CTCF: variants seen among roughly 807,000 people sequenced by gnomAD.
CTCF encodes the protein transcriptional repressor CTCF.
In CTCF, 7 loss-of-function variants were observed where a neutral mutation model predicts 72.3. That is an observed-to-expected ratio of 0.10 (90% CI 0.06 to 0.18). The LOEUF is 0.18. Among genes scored for constraint, CTCF ranks in the 10% least tolerant of loss-of-function variants. The probability of loss-of-function intolerance (pLI) is 1.00; values close to 1 mark genes in which losing one functional copy is unlikely to be tolerated. For synonymous variants in CTCF, 374 were observed against 315.8 expected (o/e 1.18, Z -1.95); for missense variants, 516 against 949.1 (o/e 0.54, Z 6.00).
At chr16:67,592,379 C>G (rs1161748637) in intron 2 of CTCF, among the ~76,000 whole-genome samples, 1 of 151,688 alleles carries the variant, frequency 6.6e-6, no homozygotes, top group Non-Finnish European at 1.5e-5. Context: ...CCACTGCGCT[C>G]CAGCCTGGGT....
chr16:67,616,563 G>A (rs2052134276), intron 4 of CTCF, 182 bp from the exon 5 acceptor site: 6 of 643,366 alleles, frequency 9.3e-6, no homozygotes, highest in African/African-American at 1.8e-5. Context: ...CCTGGTGTTA[G>A]TATAAATTCA....
chr16:67,637,006 G>C (rs1349678584), intron 11 of CTCF, among the ~76,000 whole-genome samples, 155 bp downstream of exon 11: 1 of 152,116 alleles, frequency 6.6e-6, no homozygotes, highest in Admixed American at 6.6e-5. Context: ...CTTTTTAGGA[G>C]TTTTTACTGA....
intron 10 of CTCF, among the ~76,000 whole-genome samples, chr16:67,634,732 C>T (rs1597731499): frequency 6.7e-6 from 1 of 150,098 alleles, no homozygotes; most frequent in Admixed American, 6.7e-5. Context: ...GAGACGGAAT[C>T]TCACTCTGTT....
At chr16:67,607,764 A>G (rs1302743989) in intron 2 of CTCF, among the ~76,000 whole-genome samples, 1 of 151,568 alleles carries the variant, frequency 6.6e-6, no homozygotes, top group African/African-American at 2.4e-5. Context: ...TCACGCCTGT[A>G]GTCCCAGCAC....
intron 7 of CTCF, among the ~76,000 whole-genome samples, chr16:67,622,460 A>T (rs774238043): frequency 6.6e-6 from 1 of 152,080 alleles, no homozygotes; most frequent in African/African-American, 2.4e-5. Context: ...ATATCACCTC[A>T]GTTGATACAA....
chr16:67,629,047 G>T (rs1316186103), intron 9 of CTCF, among the ~76,000 whole-genome samples: 2 of 148,640 alleles, frequency 1.3e-5, no homozygotes, highest in African/African-American at 4.9e-5. Flanking sequence ...GCAAGACTCC[G>T]TCTCAAAAAA....
intron 2 of CTCF, among the ~76,000 whole-genome samples, chr16:67,576,925 ATATG>A (rs1414752526): frequency 1.3e-5 from 2 of 152,180 alleles, no homozygotes; most frequent in Non-Finnish European, 2.9e-5. Flanking sequence ...TTATCAAACA[ATATG>A]TATGGTATGA....
intron 1 of CTCF, among the ~76,000 whole-genome samples, chr16:67,570,487 C>T (rs1371977025): frequency 3.4e-5 from 5 of 147,018 alleles, no homozygotes; most frequent in East Asian, 2.1e-4. Context: ...CTCGCTCTGT[C>T]GCCCAGGCTG....
intron 2 of CTCF, among the ~76,000 whole-genome samples, chr16:67,578,354 A>G (rs2051531625): frequency 2.7e-5 from 3 of 109,596 alleles, no homozygotes; most frequent in South Asian, 2.9e-4. Flanking sequence ...TTTTTTTGAG[A>G]CAGGGTTTTC....
intron 7 of CTCF, among the ~76,000 whole-genome samples, chr16:67,625,703 T>A (rs1415252757): frequency 6.6e-6 from 1 of 152,194 alleles, no homozygotes; most frequent in Non-Finnish European, 1.5e-5. Context: ...GTTAGCCTTA[T>A]ATAACTGTGT....
intron 2 of CTCF, among the ~76,000 whole-genome samples, chr16:67,583,283 A>C (rs28711261): frequency 6.6e-6 from 1 of 151,940 alleles, no homozygotes; most frequent in South Asian, 2.1e-4. Context: ...CATGGCGCCC[A>C]GCCTACTTCT....
intron 2 of CTCF, among the ~76,000 whole-genome samples, chr16:67,591,815 A>G (rs2051747976): frequency 6.6e-6 from 1 of 151,882 alleles, no homozygotes; most frequent in Non-Finnish European, 1.5e-5. Context: ...GGCTCAGGCG[A>G]TCCTCCCGCC....
At chr16:67,617,129 A>AGGTGGGC (rs1431917117) in intron 5 of CTCF, among the ~76,000 whole-genome samples, 4 of 152,278 alleles carry the variant, frequency 2.6e-5, no homozygotes, top group South Asian at 2.1e-4. Context: ...TGGGAGGCTG[A>AGGTGGGC]GGTGGGCGGA....
intron 10 of CTCF, among the ~76,000 whole-genome samples, chr16:67,632,023 G>A (rs2052371887): frequency 6.7e-6 from 1 of 148,870 alleles, no homozygotes; most frequent in East Asian, 2.0e-4. Context: ...GCAGTGAACT[G>A]AGATAGTGTC....
At chr16:67,603,616 A>G (rs1161979616) in intron 2 of CTCF, among the ~76,000 whole-genome samples, 1 of 151,362 alleles carries the variant, frequency 6.6e-6, no homozygotes, top group Non-Finnish European at 1.5e-5. Flanking sequence ...GGAGGTCAGG[A>G]GATAAGAGAC....
chr16:67,602,096 T>C (rs2051899861), intron 2 of CTCF, among the ~76,000 whole-genome samples: 1 of 152,114 alleles, frequency 6.6e-6, no homozygotes, highest in South Asian at 2.1e-4. Context: ...ACTCCTGACC[T>C]CAGGTGATCC....
intron 2 of CTCF, among the ~76,000 whole-genome samples, chr16:67,608,638 A>G (rs1464522994): frequency 6.6e-6 from 1 of 152,240 alleles, no homozygotes; most frequent in Non-Finnish European, 1.5e-5. Flanking sequence ...TATTAATCGT[A>G]TAGCATTATG....
chr16:67,625,347 C>A (rs117370963), intron 7 of CTCF, among the ~76,000 whole-genome samples: 3,959 of 152,262 alleles, frequency 0.026, 71 homozygotes, highest in Non-Finnish European at 0.037. Context: ...TACAGGCATA[C>A]ACCACCACGC....
At chr16:67,579,294 A>C (rs1003274713) in intron 2 of CTCF, among the ~76,000 whole-genome samples, 2 of 152,056 alleles carry the variant, frequency 1.3e-5, no homozygotes, top group Non-Finnish European at 2.9e-5. Flanking sequence ...AATAAAGCAC[A>C]AATAGTAGCT....
Sources: gnomAD v4.1 joint callset for allele counts (sites outside exome capture counted in the v4.1 genomes callset) on GRCh38, gnomAD v4.1.1 for gene constraint, MANE v1.5 for transcripts, NCBI Gene and HGNC (gene_info 2026-07-23, HGNC 2026-07-21) for gene names.